Variants in SMIM7 observed in about 807,000 individuals in gnomAD.
The protein encoded by SMIM7 is small integral membrane protein 7, also known as UPF0608 protein C19orf42.
Under a neutral mutation model 13.3 loss-of-function variants are expected in SMIM7, and 12 were observed. The ratio of observed to expected loss-of-function variants is 0.90; its 90% confidence interval spans 0.58 to 1.46. The LOEUF (loss-of-function observed/expected upper bound fraction) is 1.46, where lower values mean the gene tolerates loss of function less well. Among genes scored for constraint, SMIM7 ranks in the 40% most tolerant of loss-of-function variants. SMIM7 has a pLI of 0.00. For synonymous variants in SMIM7, 36 were observed against 35.8 expected (o/e 1.01, Z -0.02); for missense variants, 114 against 94.8 (o/e 1.20, Z -0.84).
chr19:16,638,771 A>G (rs2086379924), intron 4 of SMIM7: 3 of 152,176 alleles, frequency 2.0e-5, no homozygotes, highest in Admixed American at 2.0e-4. Context: ...AACAGTGACA[A>G]CTACTGAGTG....
intron 2 of SMIM7, chr19:16,659,709 G>C (rs982408613): frequency 7.7e-6 from 5 of 651,100 alleles, no homozygotes; most frequent in Non-Finnish European, 1.3e-5. Context: ...GCTATTTCTT[G>C]GGGGATGGGG....
intron 4 of SMIM7, among the ~76,000 whole-genome samples, chr19:16,649,003 A>G (rs372914659): frequency 1.4e-4 from 21 of 152,312 alleles, no homozygotes; most frequent in East Asian, 1.3e-3. Context: ...CCTGCGCAAC[A>G]GAGTGAGACT....
chr19:16,654,424 A>G (rs2086570924), intron 3 of SMIM7, among the ~76,000 whole-genome samples: 1 of 152,212 alleles, frequency 6.6e-6, no homozygotes, highest in Non-Finnish European at 1.5e-5. Context: ...CTACTGGGAA[A>G]GAGATACCTT....
In SMIM7 at chr19:16,660,095, G is replaced by C. The variant is rs766204300; in HGVS notation, c.16C>G (p.Leu6Val). The C allele has an allele frequency of 1.2e-6, 2 of 1,614,218 alleles. No homozygotes were observed. Among genetic ancestry groups the C allele is most frequent in the Non-Finnish European group, 1.7e-6 (2 of 1,180,042 alleles). The change falls in exon 1 of 5, where the codon CTG becomes GTG. Residue 6 changes from leucine (L) to valine (V), a missense_variant. Coordinates refer to ENST00000487416, the MANE Select transcript of SMIM7 (RefSeq NM_024104.4). ...GGTCCCCCTAATTACCCGAACAGCA[G>C]GATGTCTCCGATCATCGTTACGGCC... MIGDI[L>V]LFGTLLMNAG...
At position 16,659,963 on chromosome 19, in the gene SMIM7, T is replaced by TA; in HGVS notation, c.63dup (p.Lys22Ter). 1 of 1,612,588 alleles carries TA rather than the reference T, an allele frequency of 6.2e-7. No homozygotes were observed. Among genetic ancestry groups the TA allele is most frequent in the Non-Finnish European group, 8.5e-7 (1 of 1,179,506 alleles). On this transcript the variant is annotated frameshift_variant, in exon 2 of 5. Coordinates refer to ENST00000487416, the MANE Select transcript of SMIM7 (RefSeq NM_024104.4). LOFTEE classifies it high-confidence loss of function. ...GTCCGGCCGCGACCTACTCACAGCT[T>TA]AAAGTTCAGCACCGCCCCGGCATTC... is the stretch of plus-strand genomic sequence containing the variant.
At chr19:16,652,841 A>T (rs1278211561) in intron 4 of SMIM7, 20 of 1,549,910 alleles carry the variant, frequency 1.3e-5, no homozygotes, top group Non-Finnish European at 1.7e-5. Context: ...AGAACACCAG[A>T]TTCTCCCGTC....
At chr19:16,635,899 A>T (rs556851908) in intron 4 of SMIM7, among the ~76,000 whole-genome samples, 3,903 of 109,284 alleles carry the variant, frequency 0.036, 82 homozygotes, top group South Asian at 0.062. Context: ...AAAAAAAAAA[A>T]ATATATATAT....
chr19:16,659,926 G>A (rs1555707769), intron 2 of SMIM7, 33 bp downstream of exon 2: 5 of 1,597,806 alleles, frequency 3.1e-6, no homozygotes, highest in Admixed American at 3.4e-5. Context: ...GGGTTCCCCG[G>A]ATGGAGCCGC....
intron 3 of SMIM7, among the ~76,000 whole-genome samples, chr19:16,656,126 C>T (rs2086594817): frequency 6.6e-6 from 1 of 152,124 alleles, no homozygotes; most frequent in Non-Finnish European, 1.5e-5. Flanking sequence ...TGGCTCACAA[C>T]TGTAATCCCA....
intron 4 of SMIM7, among the ~76,000 whole-genome samples, chr19:16,635,883 C>CAAAAAAA (rs1207972448): frequency 2.5e-5 from 2 of 80,512 alleles, no homozygotes; most frequent in African/African-American, 1.3e-4. Context: ...GACCCTGTCT[C>CAAAAAAA]AAAAAAAAAA....
chr19:16,643,686 C>T (rs11880336), downstream of SMIM7, among the ~76,000 whole-genome samples: 7,821 of 152,190 alleles, frequency 0.051, 550 homozygotes, highest in African/African-American at 0.16. Flanking sequence ...CATGAGCCAC[C>T]GTACCAGGCC....
chr19:16,657,722 G>A (rs2086614345), intron 3 of SMIM7, among the ~76,000 whole-genome samples: 1 of 152,228 alleles, frequency 6.6e-6, no homozygotes, highest in Admixed American at 6.5e-5. Context: ...AAGGGGAGCT[G>A]CTGGAGTGTC....
intron 3 of SMIM7, among the ~76,000 whole-genome samples, chr19:16,656,708 G>A (rs2086601252): frequency 6.6e-6 from 1 of 152,066 alleles, no homozygotes; most frequent in African/African-American, 2.4e-5. Flanking sequence ...AGACCAGCCT[G>A]GCCAACATGG....
At position 16,647,252 on chromosome 19, in the gene SMIM7, G is replaced by A; in HGVS notation, c.222C>T (p.Gly74=). ...FMMFCMIVLF[G]S The stretch of plus-strand genomic sequence containing the variant: ...CTGGTTTCATCGCTGGGATTCAAGA[G>A]CCGAACAGCCTGGAGAAGTCAGAGG... Residue 74 remains glycine (G), a synonymous_variant, in exon 5 of 5, where the codon GGC becomes GGT. Transcript: ENST00000487416. 6.2e-7 allele frequency: 1 copy of A among 1,614,040 alleles called. No homozygotes were observed. Among genetic ancestry groups the A allele is most frequent in the South Asian group, 1.1e-5 (1 of 91,030 alleles).
In SMIM7 at chr19:16,647,223, G is replaced by T; in HGVS notation, c.*23C>A. The T allele has an allele frequency of 6.2e-7, 1 of 1,614,032 alleles. No homozygotes were observed. The highest frequency in any genetic ancestry group is 2.2e-5 in the East Asian group (1 of 44,884). On this transcript the variant is annotated 3_prime_UTR_variant, in exon 5 of 5. Transcript: ENST00000487416. ...GAGACTCGGCATCCCGGGAAAGTGA[G>T]TTCCTGGTTTCATCGCTGGGATTCA...
chr19:16,649,013 T>C (rs1422025967), intron 4 of SMIM7, among the ~76,000 whole-genome samples: 2 of 152,102 alleles, frequency 1.3e-5, no homozygotes, highest in East Asian at 3.9e-4. Context: ...AGAGTGAGAC[T>C]CTGTTTCAAA....
chr19:16,638,431 G>A (rs1023647792), intron 4 of SMIM7, among the ~76,000 whole-genome samples: 1 of 150,392 alleles, frequency 6.6e-6, no homozygotes, highest in Non-Finnish European at 1.5e-5. Context: ...AGACTCCTGA[G>A]TAGCTGGATT....
chr19:16,638,642 T>C lies in SMIM7; in HGVS notation c.*138-6918A>G, dbSNP rs116311566. Among the ~76,000 whole-genome samples the C allele has an allele frequency of 6.4e-3, 976 of 152,252 alleles. 14 individuals are homozygous for C. Among genetic ancestry groups the C allele is most frequent in the African/African-American group, 0.022 (906 of 41,554 alleles). ...TTTTCTTATAAATTACCCATTTCTTTATAGCAATGCAAGATGGCCTAATAC... is the reference window on the plus strand; with the variant it reads ...TTTTCTTATAAATTACCCATTTCTTCATAGCAATGCAAGATGGCCTAATAC... On this transcript the variant is annotated intron_variant and NMD_transcript_variant, in intron 4 of 4. Coordinates refer to the SMIM7 transcript ENST00000465250.
chr19:16,647,302 G>C (rs1486755807), intron 4 of SMIM7, 41 bp from the exon 5 acceptor site: 1 of 1,612,706 alleles, frequency 6.2e-7, no homozygotes, highest in South Asian at 1.1e-5. Flanking sequence ...GAGGATAGGA[G>C]GTGACTGTTC....
Sources: allele counts gnomAD v4.1 joint callset (sites outside exome capture counted in the v4.1 genomes callset), GRCh38; gene constraint gnomAD v4.1.1; transcripts MANE v1.5; gene names NCBI Gene and HGNC (gene_info 2026-07-23, HGNC 2026-07-21).